The following LTBP1 variants were observed in gnomAD, a reference collection of about 807,000 sequenced individuals.
LTBP1 encodes the protein latent transforming growth factor beta binding protein 1.
Under a neutral mutation model 207.6 loss-of-function variants are expected in LTBP1, and 129 were observed. The ratio of observed to expected loss-of-function variants is 0.62; its 90% confidence interval spans 0.54 to 0.72. LTBP1 has a LOEUF of 0.72. Ranked by LOEUF, LTBP1 falls within the 30% of genes least tolerant of loss-of-function variation. LTBP1 has a pLI of 0.00. For synonymous variants in LTBP1, 963 were observed against 833.7 expected (o/e 1.16, Z -2.67); for missense variants, 2,281 against 2,217.2 (o/e 1.03, Z -0.58).
chr2:33,234,177 C>T (rs537293878), intron 9 of LTBP1, among the ~76,000 whole-genome samples: 9 of 152,242 alleles, frequency 5.9e-5, no homozygotes, highest in Admixed American at 4.6e-4. Flanking sequence ...TTTATTTAAA[C>T]ACCTTTTCCC....
chr2:32,962,671 T>A (rs1430336715), intron 2 of LTBP1, among the ~76,000 whole-genome samples: 1 of 152,272 alleles, frequency 6.6e-6, no homozygotes, highest in African/African-American at 2.4e-5. Flanking sequence ...TTTGGAATGC[T>A]TTGTTTTGAG....
rs1380977265 is a variant in LTBP1, at chr2:33,243,857, C to T, written c.1999+73C>T. Reference sequence around the variant, plus strand: ...GGGTTTTTCCAAAAGAACGGAAATACTCAGTGGCCAACTGAATGCTTGTAA... The same window carrying T: ...GGGTTTTTCCAAAAGAACGGAAATATTCAGTGGCCAACTGAATGCTTGTAA... On this transcript the variant is annotated intron_variant, in intron 10 of 33. Transcript: ENST00000404816. 2.1e-5 allele frequency: 32 copies of T among 1,536,898 alleles called. 1 individual carries two copies. The South Asian group carries it at 3.6e-4, about 17-fold the overall frequency.
rs190552413 is a variant in LTBP1, at chr2:33,051,481, G to T, written c.863+30275G>T. Among the ~76,000 whole-genome samples the T allele has an allele frequency of 2.2e-3, 328 of 152,236 alleles. 2 individuals carry two copies. Among genetic ancestry groups the T allele is most frequent in the South Asian group, 7.5e-3 (36 of 4,802 alleles). ...GTCCTCTGCAATATTACTGAGTGAG[G>T]ATTGCCCGAGACTTGAGAGGCAGTT... On this transcript the variant is annotated intron_variant, in intron 3 of 33. Coordinates refer to ENST00000404816, the MANE Select transcript of LTBP1 (RefSeq NM_206943.4).
At chr2:33,259,709 C>G (rs1573479212) in intron 13 of LTBP1, 99 bp downstream of exon 13, 1 of 1,084,306 alleles carries the variant, frequency 9.2e-7, no homozygotes, top group East Asian at 2.5e-5. Flanking sequence ...ATAGTAACAT[C>G]TCTATTATGC....
intron 10 of LTBP1, among the ~76,000 whole-genome samples, 169 bp from the exon 11 acceptor site, chr2:33,252,508 C>T (rs2092712472): frequency 6.6e-6 from 1 of 152,154 alleles, no homozygotes; most frequent in Non-Finnish European, 1.5e-5. Flanking sequence ...CTCTAAAACT[C>T]ACATGGTAAA....
At chr2:32,959,724 G>A (rs1332609922) in intron 2 of LTBP1, among the ~76,000 whole-genome samples, 4 of 148,410 alleles carry the variant, frequency 2.7e-5, no homozygotes, top group South Asian at 2.1e-4. Flanking sequence ...GGGTTCCAGC[G>A]ATTCTTCTGC....
intron 20 of LTBP1, among the ~76,000 whole-genome samples, chr2:33,294,574 A>ATTTTT (rs1558962566): frequency 6.9e-6 from 1 of 145,704 alleles, no homozygotes; most frequent in African/African-American, 2.6e-5. Context: ...TATTGGGTAA[A>ATTTTT]ATTTTTTTTT....
At chr2:33,129,765 C>G (rs946677071) in intron 4 of LTBP1, among the ~76,000 whole-genome samples, 2 of 152,302 alleles carry the variant, frequency 1.3e-5, no homozygotes, top group African/African-American at 4.8e-5. Context: ...TGATCTGAGA[C>G]TTAGATTTCT....
rs150456293 is a variant in LTBP1, at chr2:33,243,752, T to C, written c.1967T>C (p.Phe656Ser). ...GSYRCTCKIG[F>S]GPDPTFSSCV... is the part of the protein sequence containing the mutation. ...TATCGATGTACCTGCAAAATAGGAT[T>C]TGGGCCGGATCCTACCTTTTCAAGT... The change falls in exon 10 of 34, where the codon TTT (phenylalanine) becomes TCT (serine). Residue 656 changes from phenylalanine to serine, a missense_variant. Phe to Ser is a radical substitution (Grantham distance 155). Coordinates refer to ENST00000404816, the MANE Select transcript of LTBP1 (RefSeq NM_206943.4). The C allele has an allele frequency of 6.2e-7, 1 of 1,614,082 alleles. No homozygotes were observed. The highest frequency in any genetic ancestry group is 2.2e-5 in the East Asian group (1 of 44,852).
At chr2:33,277,829 CTTTT>C (rs199950784) in intron 18 of LTBP1, among the ~76,000 whole-genome samples, 3 of 85,188 alleles carry the variant, frequency 3.5e-5, no homozygotes, top group Non-Finnish European at 6.6e-5. Context: ...TTCTTTCTTT[CTTTT>C]TTTTTTTTTT....
chr2:33,274,788 C>T (rs750212857), intron 16 of LTBP1, among the ~76,000 whole-genome samples, 177 bp from the exon 17 acceptor site: 25 of 152,172 alleles, frequency 1.6e-4, no homozygotes, highest in Non-Finnish European at 2.6e-4. Flanking sequence ...CTGCTTCTCT[C>T]TTCCAGGAAC....
intron 2 of LTBP1, among the ~76,000 whole-genome samples, chr2:33,001,229 A>T (rs1470022162): frequency 7.4e-6 from 1 of 135,706 alleles, no homozygotes; most frequent in African/African-American, 2.6e-5. Context: ...CACCAGAAAT[A>T]TGCTTTGTAC....
intron 2 of LTBP1, among the ~76,000 whole-genome samples, chr2:33,009,828 A>G (rs1245151446): frequency 6.6e-6 from 1 of 152,232 alleles, no homozygotes; most frequent in Non-Finnish European, 1.5e-5. Context: ...TGGAGGGGAC[A>G]GAAGACATGC....
rs1272739720 is a variant in LTBP1 at position 33,239,568 on chromosome 2, G to A, written c.1877-4094G>A. The stretch of plus-strand genomic sequence containing the variant: ...AATACTTTTGATTTAGTTAGAATCT[G>A]TTGAGGAAGGTTTGTTGACGCTTTA... On this transcript the variant is annotated intron_variant, in intron 9 of 33. Transcript: ENST00000404816. Among the ~76,000 whole-genome samples, 4 of 152,046 alleles carry A rather than the reference G, an allele frequency of 2.6e-5. No homozygotes were observed. The East Asian group carries it at 7.7e-4, about 29-fold the overall frequency.
chr2:32,973,109 A>G lies in LTBP1; in HGVS notation c.565+24164A>G, dbSNP rs527284416. On this transcript the variant is annotated intron_variant, in intron 2 of 33. Coordinates refer to ENST00000404816, the MANE Select transcript of LTBP1 (RefSeq NM_206943.4). ...CCATGTGAAGATGAAAAGAATGTCTATTCTGTTTTTTTTGTTGTTGAGACT... is the reference window on the plus strand; with the variant it reads ...CCATGTGAAGATGAAAAGAATGTCTGTTCTGTTTTTTTTGTTGTTGAGACT... Among the ~76,000 whole-genome samples the G allele has an allele frequency of 1.2e-3, 163 of 135,848 alleles. 1 individual carries two copies. The highest frequency in any genetic ancestry group is 4.0e-3 in the African/African-American group (156 of 39,116). The allele number at this position is 135,848 out of a possible 152,430, so 89.1% of individuals were successfully genotyped here. A position where few individuals can be genotyped will look rare whatever the true frequency, so the allele number is the denominator to read the frequency against.
intron 9 of LTBP1, among the ~76,000 whole-genome samples, chr2:33,224,835 A>G (rs892756645): frequency 2.0e-5 from 3 of 152,142 alleles, no homozygotes; most frequent in South Asian, 2.1e-4. Context: ...TGGTTTATCA[A>G]TGTTACCAAT....
intron 3 of LTBP1, among the ~76,000 whole-genome samples, chr2:33,027,762 G>A (rs996282748): frequency 6.6e-5 from 10 of 152,088 alleles, no homozygotes; most frequent in Non-Finnish European, 1.2e-4. Flanking sequence ...GCTTGAACCC[G>A]GGAGGTGGAG....
chr2:33,243,688 G>A lies in LTBP1; in HGVS notation c.1903G>A (p.Val635Ile). ...QDINECQLQG[V>I]CPNGECLNTM... Reference sequence around the variant, plus strand: ...TATTAATGAATGTCAGCTACAAGGTGTATGCCCTAATGGTGAGTGTTTGAA... The same window carrying A: ...TATTAATGAATGTCAGCTACAAGGTATATGCCCTAATGGTGAGTGTTTGAA... Residue 635 changes from valine to isoleucine, a missense_variant, in exon 10 of 34, where the codon GTA (valine) becomes ATA (isoleucine). This residue lies in a region of LTBP1 where 1,671 missense variants were observed against 1,634.8 expected (regional missense o/e 1.02). Transcript: ENST00000404816. The A allele has an allele frequency of 6.2e-7, 1 of 1,614,004 alleles. No homozygotes were observed.
intron 3 of LTBP1, among the ~76,000 whole-genome samples, chr2:33,022,163 A>G (rs979360752): frequency 1.3e-5 from 2 of 152,044 alleles, no homozygotes; most frequent in Non-Finnish European, 2.9e-5. Context: ...GTCTGTTGCT[A>G]TAGATGAAAT....
Sources: allele counts gnomAD v4.1 joint callset (sites outside exome capture counted in the v4.1 genomes callset), GRCh38; gene constraint gnomAD v4.1.1; regional missense constraint gnomAD v4.1.1; transcripts MANE v1.5; gene names NCBI Gene and HGNC (gene_info 2026-07-23, HGNC 2026-07-21).